The following CSMD1 variants were observed in gnomAD, a reference collection of about 807,000 sequenced individuals.
The protein encoded by CSMD1 is CUB and Sushi multiple domains 1.
A neutral mutation model predicts 417.5 loss-of-function variants in CSMD1; 213 were observed. That is an observed-to-expected ratio of 0.51 (90% CI 0.46 to 0.57). CSMD1 has a LOEUF of 0.57. Ranked by LOEUF, CSMD1 falls within the 20% of genes least tolerant of loss-of-function variation. The pLI is 0.00. For missense variants in CSMD1, 6,923 were observed against 4,529.7 expected, an observed-to-expected ratio of 1.53 and a Z score of -15.17; for synonymous variants, 2,862 against 1,736.8, an observed-to-expected ratio of 1.65 and a Z score of -16.11.
At chr8:3,324,907 C>T (rs529497733) in intron 23 of CSMD1, among the ~76,000 whole-genome samples, 1 of 151,890 alleles carries the variant, frequency 6.6e-6, no homozygotes, top group Non-Finnish European at 1.5e-5. Flanking sequence ...GGTCTAGTTG[C>T]CTGGCACTGG....
At chr8:3,305,538 G>A (rs1181944742) in intron 25 of CSMD1, among the ~76,000 whole-genome samples, 3 of 150,940 alleles carry the variant, frequency 2.0e-5, no homozygotes, top group African/African-American at 4.8e-5. Context: ...GGTTAAGCTT[G>A]GCCCCATTTC....
At chr8:4,180,122 T>G (rs112026076) in intron 3 of CSMD1, among the ~76,000 whole-genome samples, 10 of 152,040 alleles carry the variant, frequency 6.6e-5, no homozygotes, top group South Asian at 4.1e-4. Context: ...GAAGACACAT[T>G]CACACATATG....
intron 3 of CSMD1, among the ~76,000 whole-genome samples, chr8:4,399,651 G>A (rs766706023): frequency 3.3e-5 from 5 of 151,760 alleles, no homozygotes; most frequent in Non-Finnish European, 5.9e-5. Context: ...ATTTCAATCA[G>A]CACATATTGT....
chr8:3,621,158 C>T (rs934508588), intron 7 of CSMD1, among the ~76,000 whole-genome samples: 1 of 152,184 alleles, frequency 6.6e-6, no homozygotes, highest in Non-Finnish European at 1.5e-5. Context: ...CAGGCTTCTA[C>T]CCTCTAGAAT....
intron 1 of CSMD1, among the ~76,000 whole-genome samples, chr8:4,973,821 T>C (rs1482912220): frequency 1.3e-5 from 2 of 152,176 alleles, no homozygotes; most frequent in African/African-American, 4.8e-5. Flanking sequence ...CTGAACTGAG[T>C]ATAGGTATAG....
At chr8:3,719,410 G>C (rs939805358) in intron 6 of CSMD1, among the ~76,000 whole-genome samples, 3 of 152,114 alleles carry the variant, frequency 2.0e-5, no homozygotes, top group Admixed American at 2.0e-4. Flanking sequence ...TACCCTAAAA[G>C]TCTAGTTTCT....
chr8:4,147,619 C>A (rs1585420150), intron 3 of CSMD1, among the ~76,000 whole-genome samples: 1 of 152,084 alleles, frequency 6.6e-6, no homozygotes, highest in African/African-American at 2.4e-5. Context: ...TGCAGCTGGA[C>A]ATGTGGCATG....
intron 3 of CSMD1, among the ~76,000 whole-genome samples, chr8:4,284,840 A>C (rs1263732534): frequency 1.3e-5 from 2 of 152,138 alleles, no homozygotes; most frequent in East Asian, 3.9e-4. Flanking sequence ...AAACAAAACA[A>C]AACAAAGAAA....
At chr8:3,095,070 C>T (rs1815203644) in intron 47 of CSMD1, among the ~76,000 whole-genome samples, 1 of 152,090 alleles carries the variant, frequency 6.6e-6, no homozygotes, top group African/African-American at 2.4e-5. Context: ...AATTGCAAGC[C>T]ATGAGTGCAT....
chr8:3,059,359 TTTTTCTCTGC>T (rs71199532), intron 49 of CSMD1, among the ~76,000 whole-genome samples: 71,100 of 151,488 alleles, frequency 0.47, 17,400 homozygotes, highest in Non-Finnish European at 0.54. Flanking sequence ...CCTGCACAAC[TTTTTCTCTGC>T]TTTTCTCTGC....
chr8:3,591,766 C>A (rs1475457523), intron 8 of CSMD1, among the ~76,000 whole-genome samples: 4 of 151,524 alleles, frequency 2.6e-5, no homozygotes, highest in Non-Finnish European at 4.4e-5. Flanking sequence ...AGATGATAGA[C>A]AAAGAGATGG....
At chr8:4,304,604 T>G (rs981258774) in intron 3 of CSMD1, among the ~76,000 whole-genome samples, 1 of 152,096 alleles carries the variant, frequency 6.6e-6, no homozygotes, top group African/African-American at 2.4e-5. Context: ...CTCTTTAATA[T>G]TTCCTCATTT....
chr8:3,684,715 A>G (rs2129030299), intron 7 of CSMD1, among the ~76,000 whole-genome samples: 2 of 151,390 alleles, frequency 1.3e-5, no homozygotes, highest in Non-Finnish European at 2.9e-5. Context: ...CTCCTGCCTC[A>G]GCCTCCAGAG....
chr8:3,927,105 G>A (rs1473403704), intron 5 of CSMD1, among the ~76,000 whole-genome samples: 5 of 151,644 alleles, frequency 3.3e-5, no homozygotes, highest in South Asian at 4.2e-4. Context: ...TATTATTATC[G>A]TTTTTAACTG....
At chr8:3,721,572 G>C (rs1008536869) in intron 6 of CSMD1, among the ~76,000 whole-genome samples, 5 of 152,126 alleles carry the variant, frequency 3.3e-5, no homozygotes, top group African/African-American at 1.2e-4. Context: ...AATTCCAGTG[G>C]TATTTCAGGT....
chr8:3,046,475 T>C (rs1432043872), intron 50 of CSMD1, among the ~76,000 whole-genome samples: 1 of 152,168 alleles, frequency 6.6e-6, no homozygotes, highest in Non-Finnish European at 1.5e-5. Flanking sequence ...TCCGTGGACA[T>C]TTCAGAGCTA....
chr8:3,248,768 A>C (rs1330232705), intron 26 of CSMD1, among the ~76,000 whole-genome samples: 1 of 151,934 alleles, frequency 6.6e-6, no homozygotes, highest in East Asian at 1.9e-4. Flanking sequence ...CCTTTTGCAA[A>C]CGTGTCCATA....
intron 12 of CSMD1, among the ~76,000 whole-genome samples, chr8:3,468,470 C>T (rs1012678136): frequency 6.6e-6 from 1 of 152,164 alleles, no homozygotes; most frequent in Admixed American, 6.5e-5. Flanking sequence ...CCTAATACTT[C>T]ACCTCACTCT....
At chr8:3,178,551 T>A (rs1009518478) in intron 37 of CSMD1, among the ~76,000 whole-genome samples, 1 of 152,196 alleles carries the variant, frequency 6.6e-6, no homozygotes, top group African/African-American at 2.4e-5. Flanking sequence ...CATGCCTGCC[T>A]CTGCATGCCA....
Sources: allele counts gnomAD v4.1 joint callset (sites outside exome capture counted in the v4.1 genomes callset), GRCh38; gene constraint gnomAD v4.1.1; transcripts MANE v1.5; gene names NCBI Gene and HGNC (gene_info 2026-07-23, HGNC 2026-07-21).